Variants in FSIP2 observed in about 807,000 individuals in gnomAD.
FSIP2 encodes fibrous sheath interacting protein 2.
In FSIP2, 367 loss-of-function variants were observed where a neutral mutation model predicts 510.5. That is an observed-to-expected ratio of 0.72 (90% CI 0.66 to 0.78). The LOEUF (loss-of-function observed/expected upper bound fraction) is 0.78, where lower values mean the gene tolerates loss of function less well. Ranked by LOEUF, FSIP2 falls within the 30% of genes least tolerant of loss-of-function variation. The probability of loss-of-function intolerance (pLI) is 0.00; values close to 1 mark genes in which losing one functional copy is unlikely to be tolerated. For missense variants in FSIP2, 7,594 were observed against 7,901.7 expected (o/e 0.96, Z 1.48); for synonymous variants, 2,601 against 2,732.2 (o/e 0.95, Z 1.50).
chr2:185,746,679 A>T lies in FSIP2; in HGVS notation c.628A>T (p.Met210Leu). ...TGCACTCTTACTCAGATATTTGGAT[A>T]TGATAAGTAGAAAACTAGAACAACT... ...ERLMRHRYLD[M>L]ISRKLEQLER... Residue 210 changes from methionine (M) to leucine (L), a missense_variant, in exon 6 of 23, where the codon ATG becomes TTG. Physicochemically the swap from Met to Leu is conservative, Grantham distance 15. Coordinates refer to ENST00000424728, the MANE Select transcript of FSIP2 (RefSeq NM_173651.4). 2 of 1,513,362 alleles carry T rather than the reference A, an allele frequency of 1.3e-6. No individual in the cohort carries two copies. The highest frequency in any genetic ancestry group is 1.8e-6 in the Non-Finnish European group (2 of 1,138,060). The allele number at this position is 1,513,362 out of a possible 1,614,324, so 93.7% of individuals were successfully genotyped here. A position where few individuals can be genotyped will look rare whatever the true frequency, so the allele number is the denominator to read the frequency against.
chr2:185,757,663 T>G (rs1349622235), intron 9 of FSIP2, among the ~76,000 whole-genome samples: 1 of 113,220 alleles, frequency 8.8e-6, no homozygotes, highest in Non-Finnish European at 2.0e-5. Context: ...TATACTCTTA[T>G]GAGAAATTTG....
chr2:185,794,823 A>G lies in FSIP2; in HGVS notation c.7687A>G (p.Lys2563Glu). 2 of 1,532,184 alleles carry G rather than the reference A, an allele frequency of 1.3e-6. No homozygotes were observed. Among genetic ancestry groups the G allele is most frequent in the Non-Finnish European group, 1.7e-6 (2 of 1,144,196 alleles). 94.9% of individuals were successfully genotyped at this position (1,532,184 alleles called of 1,614,324 possible). The change falls in exon 16 of 23, where the codon AAA becomes GAA. Residue 2563 changes from lysine to glutamate, a missense_variant. By Grantham distance (56) the Lys-to-Glu change is moderately conservative. Transcript: ENST00000424728. ...TGTGACATCATTATATGAAAATAAT[A>G]AAAGTAGGACAGAAGTTGAAATATC... Reference protein sequence around the residue: ...VVVTSLYENNKSRTEVEISDH... With the variant: ...VVVTSLYENNESRTEVEISDH...
Position 185,793,371 on chromosome 2 carries a change from G to C in FSIP2, c.6235G>C (p.Glu2079Gln). Residue 2079 changes from glutamate to glutamine, a missense_variant, in exon 16 of 23, where the codon GAG becomes CAG. Glu to Gln is a conservative substitution (Grantham distance 29). Coordinates refer to ENST00000424728, the MANE Select transcript of FSIP2 (RefSeq NM_173651.4). ...AGGTGTTATTGAAAAGCTGCTCAAT[G>C]AGACCAAATATCGAAAAGTACTTCA... ...QKGVIEKLLN[E>Q]TKYRKVLQLQ... The C allele has an allele frequency of 6.5e-7, 1 of 1,533,912 alleles. No individual in the cohort carries two copies. The highest frequency in any genetic ancestry group is 8.7e-7 in the Non-Finnish European group (1 of 1,145,510).
intron 17 of FSIP2, among the ~76,000 whole-genome samples, chr2:185,812,490 A>G (rs1041483015): frequency 6.6e-6 from 1 of 152,100 alleles, no homozygotes; most frequent in Non-Finnish European, 1.5e-5. Context: ...GATTGGCACC[A>G]ATCGGGCTAC....
intron 1 of FSIP2, 73 bp downstream of exon 1, chr2:185,739,066 CCA>C: frequency 6.9e-7 from 1 of 1,458,392 alleles, no homozygotes; most frequent in Non-Finnish European, 9.0e-7. Flanking sequence ...GCAGGGATCG[CCA>C]CACACGGGTC....
Position 185,804,721 on chromosome 2 carries a change from C to A in FSIP2, c.15415C>A (p.Leu5139Ile). The A allele has an allele frequency of 6.5e-7, 1 of 1,530,220 alleles. No individual in the cohort carries two copies. Among genetic ancestry groups the A allele is most frequent in the Non-Finnish European group, 8.7e-7 (1 of 1,144,266 alleles). The allele number at this position is 1,530,220 out of a possible 1,614,324, so 94.8% of individuals were successfully genotyped here. ...CCCTTCAACTCACACTGAAAATGAA[C>A]TAAAAGAGAAAAAGTTTCCACCGGA... is the stretch of plus-strand genomic sequence containing the variant. ...VFPSTHTENE[L>I]KEKKFPPDDE... Residue 5139 changes from leucine to isoleucine, a missense_variant, in exon 17 of 23, where the codon CTA becomes ATA. Coordinates refer to ENST00000424728, the MANE Select transcript of FSIP2 (RefSeq NM_173651.4).
chr2:185,753,893 C>G, intron 8 of FSIP2, 51 bp downstream of exon 8: 4 of 1,293,560 alleles, frequency 3.1e-6, no homozygotes, highest in Non-Finnish European at 4.0e-6. Flanking sequence ...AAATGATTAT[C>G]TATGTAAAAA....
At chr2:185,777,294 C>A (rs1692746345) in intron 13 of FSIP2, among the ~76,000 whole-genome samples, 1 of 151,958 alleles carries the variant, frequency 6.6e-6, no homozygotes, top group South Asian at 2.1e-4. Flanking sequence ...AATCCTGTCC[C>A]CATAACACAG....
Position 185,807,263 on chromosome 2 carries a change from A to G in FSIP2, c.17957A>G (p.Lys5986Arg), listed in dbSNP as rs745358365. ...CTGGAATCTAAGGATGTTGTTAAAA[A>G]GGTCCAAAAGTTGGCCCAAACAGCC... ...LPLESKDVVK[K>R]VQKLAQTASK... The change falls in exon 17 of 23, where the codon AAG becomes AGG. Residue 5986 changes from lysine to arginine, a missense_variant. Coordinates refer to ENST00000424728, the MANE Select transcript of FSIP2 (RefSeq NM_173651.4). 1 of 1,612,610 alleles carries G rather than the reference A, an allele frequency of 6.2e-7. No individual in the cohort carries two copies.
chr2:185,815,805 C>T (rs1479097401), intron 19 of FSIP2, among the ~76,000 whole-genome samples: 1 of 151,942 alleles, frequency 6.6e-6, no homozygotes, highest in African/African-American at 2.4e-5. Flanking sequence ...AGTATCAGTA[C>T]AAAAGTGTTC....
Position 185,805,119 on chromosome 2 carries a change from C to T in FSIP2, c.15813C>T (p.Leu5271=), listed in dbSNP as rs1319085310. 6.2e-7 allele frequency: 1 copy of T among 1,609,108 alleles called. No homozygotes were observed. Among genetic ancestry groups the T allele is most frequent in the Admixed American group, 1.7e-5 (1 of 59,628 alleles). ...GTAAAGAAAAGACACAGCCTTCTCT[C>T]TATTCAGCTACATTTTTGGAAGACA... ...KSGKEKTQPS[L]YSATFLEDII... is the part of the protein sequence containing the mutation. Residue 5271 remains leucine, a synonymous_variant, in exon 17 of 23, where the codon CTC becomes CTT. Transcript: ENST00000424728.
rs1396812539 is a variant in FSIP2 at position 185,800,204 on chromosome 2, C to T, written c.10898C>T (p.Ser3633Leu). Residue 3633 changes from serine to leucine, a missense_variant, in exon 17 of 23, where the codon TCA (serine) becomes TTA (leucine). Ser to Leu is a moderately radical substitution (Grantham distance 145). Coordinates refer to ENST00000424728, the MANE Select transcript of FSIP2 (RefSeq NM_173651.4). ...YHFESNVRNK[S>L]FSMHRNNSVP... ...TTTGAAAGCAATGTAAGAAACAAAT[C>T]ATTTTCTATGCATAGAAATAATAGT... 20 of 1,531,300 alleles carry T rather than the reference C, an allele frequency of 1.3e-5. No homozygotes were observed. Among genetic ancestry groups the T allele is most frequent in the Non-Finnish European group, 1.7e-5 (20 of 1,144,058 alleles). 94.9% of individuals were successfully genotyped at this position (1,531,300 alleles called of 1,614,324 possible).
rs370229032 is a variant in FSIP2 at position 185,805,701 on chromosome 2, T to C, written c.16395T>C (p.Asn5465=). ...CKNMMSTLEI[N]RGTMNRKKSF... Reference sequence around the variant, plus strand: ...ACATGATGAGCACTTTGGAAATAAATAGAGGTACAATGAATAGAAAGAAAA... The same window carrying C: ...ACATGATGAGCACTTTGGAAATAAACAGAGGTACAATGAATAGAAAGAAAA... The change falls in exon 17 of 23, where the codon AAT becomes AAC. Residue 5465 remains asparagine, a synonymous_variant. Transcript: ENST00000424728. 8.6e-5 allele frequency: 139 copies of C among 1,609,978 alleles called. No individual in the cohort carries two copies. Among genetic ancestry groups the C allele is most frequent in the Middle Eastern group, 3.3e-4 (2 of 6,030 alleles).
rs1160663250 is a variant in FSIP2 at position 185,802,018 on chromosome 2, C to T, written c.12712C>T (p.Arg4238Ter). The change falls in exon 17 of 23, where the codon CGA (arginine) becomes TGA (stop). Residue 4238 changes from arginine (R) to a stop codon, truncating the protein, a stop_gained. Transcript: ENST00000424728. LOFTEE classifies it high-confidence loss of function. ...TTCAATACAAAAAAGTATAGTAAGC[C>T]GAAGCCCAATTATGATTGACCAAAT... ...LVSIQKSIVS[R>*]SPIMIDQIAS... The T allele has an allele frequency of 3.3e-6, 5 of 1,528,434 alleles. No individual in the cohort carries two copies. Among genetic ancestry groups the T allele is most frequent in the East Asian group, 2.5e-5 (1 of 40,790 alleles). 94.7% of individuals were successfully genotyped at this position (1,528,434 alleles called of 1,614,324 possible). A position where few individuals can be genotyped will look rare whatever the true frequency, so the allele number is the denominator to read the frequency against.
Position 185,795,479 on chromosome 2 carries a change from A to G in FSIP2, c.8343A>G (p.Glu2781=). 1 of 1,534,854 alleles carries G rather than the reference A, an allele frequency of 6.5e-7. No individual in the cohort carries two copies. The highest frequency in any genetic ancestry group is 8.7e-7 in the Non-Finnish European group (1 of 1,146,100). The change falls in exon 16 of 23, where the codon GAA becomes GAG. Residue 2781 remains glutamate (E), a synonymous_variant. Transcript: ENST00000424728. Reference sequence around the variant, plus strand: ...AAATAGTTAATACAGTTTTGCAAGAATTATATGTTACCAATAACTGCAATT... The same window carrying G: ...AAATAGTTAATACAGTTTTGCAAGAGTTATATGTTACCAATAACTGCAATT... ...AGKIVNTVLQ[E]LYVTNNCNLA...
Position 185,803,324 on chromosome 2 carries a change from A to C in FSIP2, c.14018A>C (p.Gln4673Pro). Reference sequence around the variant, plus strand: ...ATTACAGGGGAATTCTCAAAAGCCCAAGTTAGCATTATAGATAATACTGAG... The same window carrying C: ...ATTACAGGGGAATTCTCAAAAGCCCCAGTTAGCATTATAGATAATACTGAG... ...HLITGEFSKA[Q>P]VSIIDNTEER... Residue 4673 changes from glutamine to proline, a missense_variant, in exon 17 of 23, where the codon CAA (glutamine) becomes CCA (proline). Gln to Pro is a moderately conservative substitution (Grantham distance 76). Transcript: ENST00000424728. 2 of 1,530,626 alleles carry C rather than the reference A, an allele frequency of 1.3e-6. No homozygotes were observed. The highest frequency in any genetic ancestry group is 1.7e-6 in the Non-Finnish European group (2 of 1,144,288). 94.8% of individuals were successfully genotyped at this position (1,530,626 alleles called of 1,614,324 possible).
rs1237758238 is a variant in FSIP2, at chr2:185,792,865, A to T, written c.5729A>T (p.Lys1910Met). 4 of 1,534,366 alleles carry T rather than the reference A, an allele frequency of 2.6e-6. No homozygotes were observed. The highest frequency in any genetic ancestry group is 3.5e-6 in the Non-Finnish European group (4 of 1,145,738). Reference sequence around the variant, plus strand: ...CAGTCTAGATTCAGCGTTGCTGACAAGGAGACAAAGGTAAATCTAGCTGAA... The same window carrying T: ...CAGTCTAGATTCAGCGTTGCTGACATGGAGACAAAGGTAAATCTAGCTGAA... ...TFQSRFSVAD[K>M]ETKVNLAEDI... The change falls in exon 16 of 23, where the codon AAG becomes ATG. Residue 1910 changes from lysine (K) to methionine (M), a missense_variant. Physicochemically the swap from Lys to Met is moderately conservative, Grantham distance 95 (BLOSUM62 -1). Coordinates refer to ENST00000424728, the MANE Select transcript of FSIP2 (RefSeq NM_173651.4).
intron 13 of FSIP2, among the ~76,000 whole-genome samples, chr2:185,775,710 C>T (rs894749444): frequency 6.6e-6 from 1 of 152,162 alleles, no homozygotes; most frequent in South Asian, 2.1e-4. Flanking sequence ...CTCACCCAGG[C>T]TGAAGTACAG....
upstream of FSIP2, among the ~76,000 whole-genome samples, chr2:185,737,585 A>T (rs981608917): frequency 1.3e-5 from 2 of 152,172 alleles, no homozygotes; most frequent in Non-Finnish European, 2.9e-5. Flanking sequence ...CATGGGAGAT[A>T]AGGGGAAAAA....
Sources: gnomAD v4.1 joint callset for allele counts (sites outside exome capture counted in the v4.1 genomes callset) on GRCh38, gnomAD v4.1.1 for gene constraint, MANE v1.5 for transcripts, NCBI Gene and HGNC (gene_info 2026-07-23, HGNC 2026-07-21) for gene names.